The following IPMK variants were observed in gnomAD, a reference collection of about 807,000 sequenced individuals.
The protein encoded by IPMK is inositol 1,3,4,6-tetrakisphosphate 5-kinase.
In IPMK, 17 loss-of-function variants were observed where a neutral mutation model predicts 45.8. The observed-to-expected ratio is 0.37, with a 90% CI of 0.25 to 0.56. The LOEUF is 0.56. Ranked by LOEUF, IPMK falls within the 20% of genes least tolerant of loss-of-function variation. The pLI is 0.79. For synonymous variants in IPMK, 180 were observed against 184.3 expected, an observed-to-expected ratio of 0.98 and a Z score of 0.19; for missense variants, 399 against 498.0, an observed-to-expected ratio of 0.80 and a Z score of 1.89.
intron 1 of IPMK, among the ~76,000 whole-genome samples, chr10:58,258,321 C>A (rs1839004523): frequency 6.6e-6 from 1 of 151,852 alleles, no homozygotes; most frequent in Non-Finnish European, 1.5e-5. Context: ...AACAAACAAA[C>A]AAAAAATAGA....
chr10:58,242,459 C>CAAAAAAAAAA (rs1377487096), intron 1 of IPMK, among the ~76,000 whole-genome samples: 7 of 44,950 alleles, frequency 1.6e-4, no homozygotes, highest in African/African-American at 2.5e-4. Context: ...GACTCCGTCT[C>CAAAAAAAAAA]AAAAAAAAAA....
intron 2 of IPMK, among the ~76,000 whole-genome samples, chr10:58,235,946 T>TAG (rs907424948): frequency 6.6e-6 from 1 of 151,850 alleles, no homozygotes; most frequent in Non-Finnish European, 1.5e-5. Context: ...TTTTTTTTTT[T>TAG]AGAGAGAGTC....
intron 1 of IPMK, among the ~76,000 whole-genome samples, chr10:58,256,297 C>A (rs1838966072): frequency 6.6e-6 from 1 of 152,190 alleles, no homozygotes. Context: ...GGAGAGGTCT[C>A]TAAAATGGCC....
At chr10:58,248,148 TACTTC>T (rs1464242532) in intron 1 of IPMK, among the ~76,000 whole-genome samples, 1 of 152,122 alleles carries the variant, frequency 6.6e-6, no homozygotes, top group African/African-American at 2.4e-5. Flanking sequence ...ACACTGTTTA[TACTTC>T]ACTTCAGTCT....
chr10:58,192,710 T>C lies in IPMK; in HGVS notation c.*3366A>G, dbSNP rs561591607. 6 of 152,134 alleles carry C rather than the reference T, an allele frequency of 3.9e-5. No individual in the cohort carries two copies. In the South Asian group the frequency reaches 8.3e-4, roughly 21 times the overall value. 9.4% of individuals were successfully genotyped at this position (152,134 alleles called of 1,614,324 possible). On this transcript the variant is annotated 3_prime_UTR_variant, in exon 6 of 6. Transcript: ENST00000373935. ...CATAAATCCAAGGAATATTTTTGAA[T>C]GAACTAAGAAGCCTGGCCTCCAAAG...
intron 1 of IPMK, 102 bp from the exon 2 acceptor site, chr10:58,237,916 A>T: frequency 1.2e-6 from 1 of 808,192 alleles, no homozygotes; most frequent in Non-Finnish European, 2.1e-6. Context: ...TACTTCCATT[A>T]AACTTAAGGG....
intron 1 of IPMK, among the ~76,000 whole-genome samples, chr10:58,264,744 T>A (rs1839124249): frequency 1.3e-5 from 2 of 152,182 alleles, no homozygotes; most frequent in Admixed American, 1.3e-4. Flanking sequence ...TTGTGATACA[T>A]CCACATTGTA....
chr10:58,223,282 G>A (rs1417399970), intron 3 of IPMK, among the ~76,000 whole-genome samples: 3 of 151,854 alleles, frequency 2.0e-5, no homozygotes, highest in African/African-American at 7.3e-5. Flanking sequence ...ATAAGTGTTA[G>A]GTATAAAAAA....
At chr10:58,233,374 G>C (rs1214579719) in intron 2 of IPMK, among the ~76,000 whole-genome samples, 1 of 152,088 alleles carries the variant, frequency 6.6e-6, no homozygotes, top group Non-Finnish European at 1.5e-5. Flanking sequence ...ACAAAAAAAA[G>C]GGAATTTTAG....
chr10:58,263,723 A>C (rs546761931), intron 1 of IPMK, among the ~76,000 whole-genome samples: 53 of 152,276 alleles, frequency 3.5e-4, no homozygotes, highest in African/African-American at 1.3e-3. Flanking sequence ...AAGAAGCCAG[A>C]CTACACTTGA....
chr10:58,260,957 C>A (rs541021970), intron 1 of IPMK, among the ~76,000 whole-genome samples: 11 of 151,758 alleles, frequency 7.2e-5, no homozygotes, highest in Admixed American at 7.2e-4. Flanking sequence ...CCAGAAAAAG[C>A]CAAGACAATC....
chr10:58,198,925 C>A (rs903327092), intron 5 of IPMK, among the ~76,000 whole-genome samples: 2 of 151,896 alleles, frequency 1.3e-5, no homozygotes, highest in African/African-American at 2.4e-5. Context: ...CGTTTACTTA[C>A]AAAATAATTT....
chr10:58,204,689 G>GGA (rs1838047258), intron 4 of IPMK, among the ~76,000 whole-genome samples: 1 of 152,000 alleles, frequency 6.6e-6, no homozygotes, highest in South Asian at 2.1e-4. Context: ...CAATTACTTG[G>GGA]GAGGCTTAAG....
At chr10:58,198,991 T>C (rs1837957814) in intron 5 of IPMK, among the ~76,000 whole-genome samples, 1 of 149,476 alleles carries the variant, frequency 6.7e-6, no homozygotes, top group Admixed American at 6.7e-5. Context: ...CAGCTGTTCA[T>C]TTTTTTTTTA....
At chr10:58,196,774 A>G in intron 5 of IPMK, 76 bp from the exon 6 acceptor site, 1 of 988,722 alleles carries the variant, frequency 1.0e-6, no homozygotes. Context: ...TCATCACAGA[A>G]TTCTCCAATA....
intron 5 of IPMK, among the ~76,000 whole-genome samples, chr10:58,198,345 T>C (rs1322775753): frequency 3.3e-5 from 5 of 152,198 alleles, no homozygotes; most frequent in East Asian, 3.8e-4. Context: ...TATTTTATCA[T>C]ACTTGGGAAT....
chr10:58,205,322 T>C (rs1838055478), intron 4 of IPMK, among the ~76,000 whole-genome samples: 1 of 152,178 alleles, frequency 6.6e-6, no homozygotes, highest in Non-Finnish European at 1.5e-5. Context: ...GATGGATTTA[T>C]ATACAGCTCA....
rs141402010 is a variant in IPMK at position 58,201,848 on chromosome 10, T to C, written c.547-2527A>G. Among the ~76,000 whole-genome samples the C allele has an allele frequency of 3.0e-4, 46 of 152,090 alleles. No homozygotes were observed. In the East Asian group the frequency reaches 7.2e-3, roughly 24 times the overall value. Reference sequence around the variant, plus strand: ...CTAACTACAGTAAACACACAAATGATAAGAAAGTGAAACAGCCTTACTGCT... The same window carrying C: ...CTAACTACAGTAAACACACAAATGACAAGAAAGTGAAACAGCCTTACTGCT... On this transcript the variant is annotated intron_variant, in intron 4 of 5. Transcript: ENST00000373935.
intron 4 of IPMK, among the ~76,000 whole-genome samples, chr10:58,203,525 A>C (rs1838026752): frequency 6.6e-6 from 1 of 150,778 alleles, no homozygotes; most frequent in Non-Finnish European, 1.5e-5. Flanking sequence ...CATGTTGCCC[A>C]GGCTGTTCTC....
Sources: gnomAD v4.1 joint callset for allele counts (sites outside exome capture counted in the v4.1 genomes callset) on GRCh38, gnomAD v4.1.1 for gene constraint, MANE v1.5 for transcripts, NCBI Gene and HGNC (gene_info 2026-07-23, HGNC 2026-07-21) for gene names.